CSF2RA: variants seen among roughly 807,000 people sequenced by gnomAD.
CSF2RA encodes colony stimulating factor 2 receptor subunit alpha.
A neutral mutation model predicts 51.6 loss-of-function variants in CSF2RA; 42 were observed. The ratio of observed to expected loss-of-function variants is 0.81; its 90% CI spans 0.64 to 1.05. The LOEUF (loss-of-function observed/expected upper bound fraction) is 1.05. Ranked by LOEUF, CSF2RA falls within the 50% of genes least tolerant of loss-of-function variation. CSF2RA has a pLI of 0.00. For missense variants in CSF2RA, 530 were observed against 501.1 expected (o/e 1.06, Z -0.55); for synonymous variants, 222 against 193.0 (o/e 1.15, Z -1.24).
At chrX:1,314,321 ACTG>A (rs1569514766), downstream of CSF2RA, among the ~76,000 whole-genome samples, 102 of 138,708 alleles carry the variant, frequency 7.4e-4, 1 homozygote, top group African/African-American at 1.1e-3. Context: ...GCCCAACCAC[ACTG>A]CACCTGCCCA....
At chrX:1,275,706 C>T (rs1316211687) in intron 2 of CSF2RA, among the ~76,000 whole-genome samples, 2 of 150,398 alleles carry the variant, frequency 1.3e-5, no homozygotes, top group Non-Finnish European at 3.0e-5. Context: ...CTACAGGCGC[C>T]CACCACCATG....
chrX:1,321,353 C>T, the CSF2RA span, among the ~76,000 whole-genome samples: 1 of 152,022 alleles, frequency 6.6e-6, no homozygotes, highest in Non-Finnish European at 1.5e-5. Flanking sequence ...CCTGTAGTCC[C>T]AGCTACTCGG....
At position 1,300,406 on chromosome X, in the gene CSF2RA, AC is replaced by A. The variant is rs2092291276; in HGVS notation, c.811-84del. On this transcript the variant is annotated intron_variant, in intron 9 of 12. Transcript: ENST00000381529. Reference sequence around the variant, plus strand: ...AAGAAAAAAAGAAAAGGAGAAAAAAACTTAAAAGACAAAAGAACGAAAAAAG... The same window carrying A: ...AAGAAAAAAAGAAAAGGAGAAAAAAATTAAAAGACAAAAGAACGAAAAAAG... 1.4e-5 allele frequency: 21 copies of A among 1,502,392 alleles called. No homozygotes were observed. The South Asian group carries it at 2.2e-4, about 16-fold the overall frequency. 93.1% of individuals were successfully genotyped at this position (1,502,392 alleles called of 1,614,324 possible).
intron 1 of CSF2RA, among the ~76,000 whole-genome samples, chrX:1,272,760 G>C (rs1354665149): frequency 6.6e-6 from 1 of 150,734 alleles, no homozygotes; most frequent in African/African-American, 2.4e-5. Context: ...CAAAGTGCTG[G>C]GATTATACGC....
At chrX:1,294,092 A>C in intron 7 of CSF2RA, 1 of 317,436 alleles carries the variant, frequency 3.2e-6, no homozygotes, top group Non-Finnish European at 5.8e-6. Flanking sequence ...ACCCTGCCCC[A>C]CCTCTACCTG....
chrX:1,318,563 G>C, the CSF2RA span, among the ~76,000 whole-genome samples: 2 of 151,886 alleles, frequency 1.3e-5, no homozygotes, highest in African/African-American at 4.8e-5. Flanking sequence ...GCCGCCGATA[G>C]CCCCTCCTGA....
At chrX:1,314,970 G>GCCCAATCCCAC (rs1569515166), downstream of CSF2RA, among the ~76,000 whole-genome samples, 281 of 112,692 alleles carry the variant, frequency 2.5e-3, 47 homozygotes, top group East Asian at 0.034. Flanking sequence ...CAACCCCACT[G>GCCCAATCCCAC]TGCCTGCCCA....
At position 1,288,836 on chromosome X, in the gene CSF2RA, G is replaced by C. The variant is rs781605907; in HGVS notation, c.421G>C (p.Gly141Arg). 2.5e-6 allele frequency: 4 copies of C among 1,613,896 alleles called. No homozygotes were observed. The highest frequency in any genetic ancestry group is 3.4e-6 in the Non-Finnish European group (4 of 1,179,868). The change falls in exon 6 of 13, where the codon GGT becomes CGT. Residue 141 changes from glycine (G) to arginine (R), a missense_variant. Coordinates refer to ENST00000381529, the MANE Select transcript of CSF2RA (RefSeq NM_172245.4). ...ADLMNCTWARGPTAPRDVQYF... is the reference protein window; with the variant it reads ...ADLMNCTWARRPTAPRDVQYF... ...TTTAATGAACTGTACCTGGGCGAGG[G>C]GTCCGACGGCCCCCCGTGACGTCCA... is the stretch of plus-strand genomic sequence containing the variant.
downstream of CSF2RA, chrX:1,310,212 G>A (rs1443955366): frequency 7.7e-5 from 13 of 169,002 alleles, no homozygotes; most frequent in Non-Finnish European, 1.5e-4. Context: ...GTGATACTTC[G>A]CAAAGATGCT....
the CSF2RA span, among the ~76,000 whole-genome samples, chrX:1,321,947 C>A: frequency 6.6e-6 from 1 of 152,016 alleles, no homozygotes; most frequent in Admixed American, 6.6e-5. Flanking sequence ...ACCAGCCTGA[C>A]CAACGTGGTG....
chrX:1,313,317 C>G (rs1327532437), downstream of CSF2RA, among the ~76,000 whole-genome samples: 3 of 151,848 alleles, frequency 2.0e-5, no homozygotes, highest in African/African-American at 7.3e-5. Flanking sequence ...GCCTGTAATC[C>G]CAGCTACTCA....
the CSF2RA span, among the ~76,000 whole-genome samples, chrX:1,323,822 G>A: frequency 5.3e-5 from 8 of 151,736 alleles, no homozygotes; most frequent in Admixed American, 3.9e-4. Flanking sequence ...AAACCATCCT[G>A]GCTAACACGG....
At chrX:1,306,456 G>A (rs1297603823) in intron 12 of CSF2RA, among the ~76,000 whole-genome samples, 1 of 152,000 alleles carries the variant, frequency 6.6e-6, no homozygotes, top group Non-Finnish European at 1.5e-5. Flanking sequence ...AGACCAGCCT[G>A]ACCAACCTGA....
chrX:1,323,942 A>C, the CSF2RA span, among the ~76,000 whole-genome samples: 1 of 151,840 alleles, frequency 6.6e-6, no homozygotes. Context: ...TGAACCCGGG[A>C]GGCCGAGGTT....
chrX:1,324,659 C>A, the CSF2RA span, among the ~76,000 whole-genome samples: 1 of 152,138 alleles, frequency 6.6e-6, no homozygotes, highest in Non-Finnish European at 1.5e-5. Flanking sequence ...TTTGGCCCCA[C>A]TGTGGATGGA....
At chrX:1,307,328 A>G (rs769235351) in intron 12 of CSF2RA, among the ~76,000 whole-genome samples, 123 of 152,214 alleles carry the variant, frequency 8.1e-4, no homozygotes, top group Middle Eastern at 6.8e-3. Context: ...CTTTCGGCTG[A>G]TTGAATGAGG....
chrX:1,292,284 A>G (rs1270230639), intron 7 of CSF2RA, among the ~76,000 whole-genome samples: 2 of 152,214 alleles, frequency 1.3e-5, no homozygotes, highest in Admixed American at 6.5e-5. Flanking sequence ...ACCTGGACCC[A>G]GTGTGAAGGC....
chrX:1,319,047 G>C, the CSF2RA span, among the ~76,000 whole-genome samples: 1 of 137,636 alleles, frequency 7.3e-6, no homozygotes, highest in Non-Finnish European at 1.7e-5. Context: ...CCAGGCTGGA[G>C]TACAGTGGCA....
chrX:1,314,479 C>T (rs1265950940), downstream of CSF2RA, among the ~76,000 whole-genome samples: 182 of 118,624 alleles, frequency 1.5e-3, 5 homozygotes, highest in Non-Finnish European at 2.2e-3. Flanking sequence ...CCCCAATGCA[C>T]CTACCCAACC....
Sources: gnomAD v4.1 joint callset for allele counts (sites outside exome capture counted in the v4.1 genomes callset) on GRCh38, gnomAD v4.1.1 for gene constraint, MANE v1.5 for transcripts, NCBI Gene and HGNC (gene_info 2026-07-23, HGNC 2026-07-21) for gene names.